Variants in RALGAPA2 observed in about 807,000 individuals in gnomAD.
RALGAPA2 encodes Ral GTPase activating protein catalytic subunit alpha 2, also known as ral GTPase-activating protein subunit alpha-2.
Under a neutral mutation model 230.4 loss-of-function variants are expected in RALGAPA2, and 139 were observed. The ratio of observed to expected loss-of-function variants is 0.60; its 90% CI spans 0.53 to 0.69. The LOEUF is 0.69. RALGAPA2 is among the 30% of genes least tolerant of loss of function. The pLI is 0.00. For missense variants in RALGAPA2, 2,163 were observed against 2,276.0 expected (o/e 0.95, Z 1.01); for synonymous variants, 847 against 837.8 (o/e 1.01, Z -0.19).
At chr20:20,683,642 C>T (rs1362606165) in intron 1 of RALGAPA2, among the ~76,000 whole-genome samples, 1 of 152,178 alleles carries the variant, frequency 6.6e-6, no homozygotes, top group Non-Finnish European at 1.5e-5. Context: ...GTCTGTTCAT[C>T]CTGCTTACAT....
At chr20:20,709,010 C>T (rs933169827) in intron 1 of RALGAPA2, among the ~76,000 whole-genome samples, 1 of 151,626 alleles carries the variant, frequency 6.6e-6, no homozygotes, top group Admixed American at 6.6e-5. Context: ...GGCAAAACCC[C>T]GTCTTCTACA....
chr20:20,468,559 T>C (rs1238509094), intron 37 of RALGAPA2, among the ~76,000 whole-genome samples: 1 of 152,224 alleles, frequency 6.6e-6, no homozygotes, highest in Non-Finnish European at 1.5e-5. Context: ...GAACCAGTCA[T>C]GAATAAAACC....
chr20:20,514,454 G>A (rs1271453197), intron 31 of RALGAPA2, among the ~76,000 whole-genome samples: 6 of 151,878 alleles, frequency 4.0e-5, no homozygotes, highest in South Asian at 4.2e-4. Context: ...CTCCTCTGCC[G>A]AGATCCTGGT....
chr20:20,643,394 AAGTC>A (rs2067106283), intron 5 of RALGAPA2, 108 bp downstream of exon 5: 1 of 998,310 alleles, frequency 1.0e-6, no homozygotes, highest in Non-Finnish European at 1.4e-6. Context: ...AATTAAAACT[AAGTC>A]AAGTGGTTTC....
chr20:20,530,811 A>T (rs1193326475), intron 27 of RALGAPA2, among the ~76,000 whole-genome samples: 1 of 152,138 alleles, frequency 6.6e-6, no homozygotes, highest in Non-Finnish European at 1.5e-5. Context: ...CAGTTCCTCC[A>T]CCAGTAAACT....
In RALGAPA2 at chr20:20,512,710, G is replaced by C. The variant is rs2062749588; in HGVS notation, c.4659C>G (p.Asn1553Lys). 6.2e-7 allele frequency: 1 copy of C among 1,613,922 alleles called. No individual in the cohort carries two copies. The highest frequency in any genetic ancestry group is 2.2e-5 in the East Asian group (1 of 44,878). ...NEPSLTPCGM[N>K]YDQEKEIIEV... ...CAATGATTTCCTTCTCTTGGTCATAGTTCATGCCACATGGGGTTAGGGAAG... is the reference window on the plus strand; with the variant it reads ...CAATGATTTCCTTCTCTTGGTCATACTTCATGCCACATGGGGTTAGGGAAG... The change falls in exon 32 of 40, where the codon AAC becomes AAG. Residue 1553 changes from asparagine to lysine, a missense_variant. Physicochemically the swap from Asn to Lys is moderately conservative, Grantham distance 94. Transcript: ENST00000202677.
chr20:20,532,630 C>A (rs56956460), intron 26 of RALGAPA2, among the ~76,000 whole-genome samples: 1,669 of 152,048 alleles, frequency 0.011, 25 homozygotes, highest in African/African-American at 0.038. Context: ...TCAAGTAGGC[C>A]GTTTAATATA....
At chr20:20,423,672 A>C (rs6075660) in intron 37 of RALGAPA2, among the ~76,000 whole-genome samples, 93,928 of 152,122 alleles carry the variant, frequency 0.62, 29,000 homozygotes, top group African/African-American at 0.64. Context: ...ACAAGATTTT[A>C]TCTCTCTTTC....
At chr20:20,426,718 C>G (rs2060389519) in intron 37 of RALGAPA2, among the ~76,000 whole-genome samples, 1 of 152,176 alleles carries the variant, frequency 6.6e-6, no homozygotes, top group African/African-American at 2.4e-5. Flanking sequence ...ACGAATGCAC[C>G]TCAAAGGAAA....
At chr20:20,540,313 CAT>C (rs1303499292) in intron 24 of RALGAPA2, among the ~76,000 whole-genome samples, 2 of 152,324 alleles carry the variant, frequency 1.3e-5, no homozygotes, top group South Asian at 2.1e-4. Flanking sequence ...CCCACACACT[CAT>C]GTGCAATATT....
rs2059574519 is a variant in RALGAPA2, at chr20:20,389,811, C to T, written c.*3478G>A. 1 of 151,080 alleles carries T rather than the reference C, an allele frequency of 6.6e-6. No homozygotes were observed. The highest frequency in any genetic ancestry group is 2.4e-5 in the African/African-American group (1 of 40,980). The allele number at this position is 151,080 out of a possible 1,614,324, so 9.4% of individuals were successfully genotyped here. A position where few individuals can be genotyped will look rare whatever the true frequency, so the allele number is the denominator to read the frequency against. ...GTGTTCCCACCACCTAGGAAGGAACCTAGATGTGGAGCATTAGGAAAATTA... is the reference window on the plus strand; with the variant it reads ...GTGTTCCCACCACCTAGGAAGGAACTTAGATGTGGAGCATTAGGAAAATTA... On this transcript the variant is annotated 3_prime_UTR_variant, in exon 40 of 40. Coordinates refer to ENST00000202677, the MANE Select transcript of RALGAPA2 (RefSeq NM_020343.4).
chr20:20,474,441 C>T (rs1030072402), intron 36 of RALGAPA2, among the ~76,000 whole-genome samples: 15 of 152,182 alleles, frequency 9.9e-5, no homozygotes, highest in African/African-American at 3.4e-4. Flanking sequence ...ATCTAAAATA[C>T]ATTTTAAAGG....
intron 5 of RALGAPA2, among the ~76,000 whole-genome samples, chr20:20,641,092 T>G (rs2067016058): frequency 6.6e-6 from 1 of 152,168 alleles, no homozygotes; most frequent in African/African-American, 2.4e-5. Context: ...TGGGTTCAAA[T>G]GTAAGCGCTG....
chr20:20,635,573 G>T lies in RALGAPA2; in HGVS notation c.850C>A (p.Arg284=). Residue 284 remains arginine (R), a synonymous_variant, in exon 9 of 40, where the codon CGA becomes AGA. Coordinates refer to ENST00000202677, the MANE Select transcript of RALGAPA2 (RefSeq NM_020343.4). ...GTACTGTAAATGTTCTCATTGTCTCGAGTGGTAGTAATGTACACAGGCTTT... is the reference window on the plus strand; with the variant it reads ...GTACTGTAAATGTTCTCATTGTCTCTAGTGGTAGTAATGTACACAGGCTTT... ...RPKPVYITTT[R]DNENIYSTKI... is the part of the protein sequence containing the mutation. 1 of 1,583,254 alleles carries T rather than the reference G, an allele frequency of 6.3e-7. No homozygotes were observed. Among genetic ancestry groups the T allele is most frequent in the Non-Finnish European group, 8.5e-7 (1 of 1,169,792 alleles).
At chr20:20,421,718 G>A (rs2060279318) in intron 37 of RALGAPA2, among the ~76,000 whole-genome samples, 1 of 152,104 alleles carries the variant, frequency 6.6e-6, no homozygotes, top group African/African-American at 2.4e-5. Flanking sequence ...AGCCACTGTG[G>A]AAAACAGTTT....
chr20:20,411,889 C>A, intron 38 of RALGAPA2, 138 bp downstream of exon 38: 1 of 1,140,062 alleles, frequency 8.8e-7, no homozygotes, highest in Non-Finnish European at 1.2e-6. Context: ...GTCATCATTC[C>A]TTTTGATATT....
rs910069329 is a variant in RALGAPA2, at chr20:20,517,923, T to C, written c.4084+2994A>G. ...ATACAGGTAATATGATAAAACAAGG[T>C]TGAAAAGATCACACTAGCTTCCTAG... On this transcript the variant is annotated intron_variant, in intron 31 of 39. Coordinates refer to ENST00000202677, the MANE Select transcript of RALGAPA2 (RefSeq NM_020343.4). 6.6e-5 allele frequency among the ~76,000 whole-genome samples: 10 copies of C among 151,282 alleles called. No homozygotes were observed. In the South Asian group the frequency reaches 1.3e-3, roughly 19 times the overall value.
At chr20:20,502,420 G>A (rs1381917381) in intron 35 of RALGAPA2, among the ~76,000 whole-genome samples, 3 of 152,184 alleles carry the variant, frequency 2.0e-5, no homozygotes, top group Non-Finnish European at 4.4e-5. Flanking sequence ...ATCTTCCCAG[G>A]CACCGTGCTA....
chr20:20,553,843 C>G (rs1330342778), intron 23 of RALGAPA2, among the ~76,000 whole-genome samples: 1 of 152,074 alleles, frequency 6.6e-6, no homozygotes, highest in Non-Finnish European at 1.5e-5. Context: ...CTTGGCTGGC[C>G]TTTAAACAGA....
Sources: gnomAD v4.1 joint callset for allele counts (sites outside exome capture counted in the v4.1 genomes callset) on GRCh38, gnomAD v4.1.1 for gene constraint, MANE v1.5 for transcripts, NCBI Gene and HGNC (gene_info 2026-07-23, HGNC 2026-07-21) for gene names.